TUB: variants seen among roughly 807,000 people sequenced by gnomAD.
TUB encodes the protein TUB bipartite transcription factor, also known as tubby protein homolog.
TUB carries 33 observed loss-of-function variants against 59.7 expected under a neutral mutation model. The observed-to-expected ratio is 0.55, with a 90% CI of 0.42 to 0.74. The LOEUF (loss-of-function observed/expected upper bound fraction) is 0.74. TUB is among the 30% of genes least tolerant of loss of function. TUB has a pLI of 0.00. For missense variants in TUB, 659 were observed against 672.0 expected (o/e 0.98, Z 0.21); for synonymous variants, 293 against 256.4 (o/e 1.14, Z -1.36).
At chr11:8,063,736 C>G (rs1438552364) in intron 2 of TUB, among the ~76,000 whole-genome samples, 1 of 152,154 alleles carries the variant, frequency 6.6e-6, no homozygotes, top group Non-Finnish European at 1.5e-5. Context: ...GGTTAAAGGG[C>G]ATGAACAATT....
At chr11:8,051,640 G>A (rs116135856) in intron 2 of TUB, among the ~76,000 whole-genome samples, 365 of 152,148 alleles carry the variant, frequency 2.4e-3, no homozygotes, top group African/African-American at 7.8e-3. Context: ...CTGCATATTC[G>A]CCAGCTTTGC....
intron 1 of TUB, among the ~76,000 whole-genome samples, chr11:8,023,541 C>T (rs1942460295): frequency 6.6e-6 from 1 of 152,176 alleles, no homozygotes; most frequent in Non-Finnish European, 1.5e-5. Context: ...TCTTCAACTC[C>T]AGCCTTTTTG....
At chr11:8,030,176 C>T (rs929231216) in intron 1 of TUB, among the ~76,000 whole-genome samples, 28 of 152,130 alleles carry the variant, frequency 1.8e-4, no homozygotes, top group African/African-American at 6.8e-4. Flanking sequence ...CATCATCAGG[C>T]ACTGTGGTTT....
At chr11:8,095,751 G>C (rs1365362058) in intron 5 of TUB, 86 bp downstream of exon 5, 2 of 1,422,076 alleles carry the variant, frequency 1.4e-6, no homozygotes, top group Non-Finnish European at 1.9e-6. Flanking sequence ...TGGCCTTCCT[G>C]TGTCCAAACC....
At chr11:8,049,518 G>A (rs1180150085) in intron 2 of TUB, among the ~76,000 whole-genome samples, 1 of 148,504 alleles carries the variant, frequency 6.7e-6, no homozygotes, top group Non-Finnish European at 1.5e-5. Context: ...TATTGCCCAG[G>A]CCACCTTCAC....
In TUB at chr11:8,104,884, C is replaced by A. The variant is rs1944473914; in HGVS notation, c.*3265C>A. ...CTATAAGAGAACTTTCGGAGCCTGC[C>A]TCCTTCAGTGACAAGTAGGGCACAA... On this transcript the variant is annotated 3_prime_UTR_variant, in exon 12 of 12. Transcript: ENST00000299506. The A allele has an allele frequency of 6.6e-6, 1 of 151,366 alleles. No homozygotes were observed. Among genetic ancestry groups the A allele is most frequent in the Non-Finnish European group, 1.5e-5 (1 of 67,932 alleles). The allele number at this position is 151,366 out of a possible 1,614,324, so 9.4% of individuals were successfully genotyped here.
intron 2 of TUB, among the ~76,000 whole-genome samples, chr11:8,042,505 A>G (rs1380149569): frequency 1.3e-5 from 2 of 152,196 alleles, no homozygotes; most frequent in South Asian, 2.1e-4. Context: ...TCTATGTTCA[A>G]CCTTTTGAGG....
rs1364185554 is a variant in TUB at position 8,103,255 on chromosome 11, G to C, written c.*1636G>C. The C allele has an allele frequency of 1.3e-5, 2 of 152,232 alleles. No homozygotes were observed. Among genetic ancestry groups the C allele is most frequent in the African/African-American group, 4.8e-5 (2 of 41,460 alleles). 9.4% of individuals were successfully genotyped at this position (152,232 alleles called of 1,614,324 possible). ...CATCCACCCTGCAGGCTTGGGAACTGTAAGCTCAAGCTTTTGCTCATTTGT... is the reference window on the plus strand; with the variant it reads ...CATCCACCCTGCAGGCTTGGGAACTCTAAGCTCAAGCTTTTGCTCATTTGT... On this transcript the variant is annotated 3_prime_UTR_variant, in exon 12 of 12. Transcript: ENST00000299506.
chr11:8,095,502 C>T lies in TUB; in HGVS notation c.402C>T (p.Thr134=), dbSNP rs1564921230. 1 of 1,608,544 alleles carries T rather than the reference C, an allele frequency of 6.2e-7. No individual in the cohort carries two copies. The highest frequency in any genetic ancestry group is 8.5e-7 in the Non-Finnish European group (1 of 1,177,022). ...RKEKKGKHKG[T]SGPAALAEDK... ...AGGCGTGTCCGTGGCCTGCAGGCAC[C>T]AGCGGGCCAGCAGCACTGGCAGAAG... The change falls in exon 5 of 12, where the codon ACC becomes ACT. Residue 134 remains threonine, a synonymous_variant. Transcript: ENST00000299506.
chr11:8,025,529 C>T (rs373340580), intron 1 of TUB, among the ~76,000 whole-genome samples: 25 of 152,286 alleles, frequency 1.6e-4, no homozygotes, highest in East Asian at 9.6e-4. Context: ...CCTCAGGGAA[C>T]CACTGATCTG....
upstream of TUB, chr11:8,038,510 G>C (rs1225737341): frequency 5.5e-6 from 4 of 723,866 alleles, no homozygotes; most frequent in Non-Finnish European, 6.9e-6. Context: ...TGGGGCCTTT[G>C]TCCGCAGTGC....
At chr11:8,067,873 C>A (rs779265880) in intron 2 of TUB, 2 of 152,258 alleles carry the variant, frequency 1.3e-5, no homozygotes, top group African/African-American at 4.8e-5. Flanking sequence ...GACCTGCAGA[C>A]GCTCAAACCT....
intron 1 of TUB, among the ~76,000 whole-genome samples, chr11:8,087,702 T>G (rs1200495416): frequency 1.3e-5 from 2 of 152,254 alleles, no homozygotes; most frequent in African/African-American, 4.8e-5. Context: ...GTCTGACCCT[T>G]TCAAGTCCGT....
At chr11:8,082,108 G>A (rs901342757) in intron 1 of TUB, among the ~76,000 whole-genome samples, 1 of 152,182 alleles carries the variant, frequency 6.6e-6, no homozygotes, top group South Asian at 2.1e-4. Flanking sequence ...ATCTGTGCAC[G>A]TCCACCTCCT....
At chr11:8,019,278 G>C in exon 1 of TUB, 2 of 1,257,660 alleles carry the variant, frequency 1.6e-6, no homozygotes, top group African/African-American at 1.5e-5. Context: ...CGCCCGCGGA[G>C]CCCCGAGCGG....
upstream of TUB, among the ~76,000 whole-genome samples, chr11:8,080,278 C>T (rs11825696): frequency 2.0e-5 from 3 of 152,206 alleles, no homozygotes; most frequent in African/African-American, 7.2e-5. Context: ...GCAGACCTCT[C>T]CCGGATCACC....
At chr11:8,094,770 C>T (rs1366895380) in intron 4 of TUB, among the ~76,000 whole-genome samples, 26 of 152,236 alleles carry the variant, frequency 1.7e-4, no homozygotes, top group Admixed American at 1.7e-3. Flanking sequence ...GCTACACACC[C>T]CGTTTCCTCA....
chr11:8,039,010 G>T lies in TUB; in HGVS notation c.137G>T (p.Arg46Leu). ...CACAGGAAACCTGGGCCCCTGAAAC[G>T]GGGCCACCGAAGAGATCGGTAAGCT... Residue 46 changes from arginine to leucine, a missense_variant, in exon 1 of 13, where the codon CGG (arginine) becomes CTG (leucine). Coordinates refer to the TUB transcript ENST00000305253. 1 of 1,613,472 alleles carries T rather than the reference G, an allele frequency of 6.2e-7. No individual in the cohort carries two copies. The highest frequency in any genetic ancestry group is 8.5e-7 in the Non-Finnish European group (1 of 1,179,958).
In TUB at chr11:8,095,739, C is replaced by T; in HGVS notation, c.565+74C>T. 2 of 1,472,164 alleles carry T rather than the reference C, an allele frequency of 1.4e-6. 1 individual carries two copies. The highest frequency in any genetic ancestry group is 2.6e-5 in the South Asian group (2 of 76,304). The allele number at this position is 1,472,164 out of a possible 1,614,324, so 91.2% of individuals were successfully genotyped here. On this transcript the variant is annotated intron_variant, in intron 5 of 11. Transcript: ENST00000299506. ...TCTCAGATGCACCTTTCTCTGGGAGCATGGCCTTCCTGTGTCCAAACCCCT... is the reference window on the plus strand; with the variant it reads ...TCTCAGATGCACCTTTCTCTGGGAGTATGGCCTTCCTGTGTCCAAACCCCT...
Sources: gnomAD v4.1 joint callset for allele counts (sites outside exome capture counted in the v4.1 genomes callset) on GRCh38, gnomAD v4.1.1 for gene constraint, MANE v1.5 for transcripts, NCBI Gene and HGNC (gene_info 2026-07-23, HGNC 2026-07-21) for gene names.